Variants in SNRPA observed in about 807,000 individuals in gnomAD.
SNRPA encodes small nuclear ribonucleoprotein polypeptide A.
A neutral mutation model predicts 24.5 loss-of-function variants in SNRPA; 10 were observed. That is an observed-to-expected ratio of 0.41 (90% CI 0.25 to 0.69). The LOEUF (loss-of-function observed/expected upper bound fraction) is 0.69, where lower values mean the gene tolerates loss of function less well. Among genes scored for constraint, SNRPA ranks in the 30% least tolerant of loss-of-function variants. The pLI, the probability that SNRPA is intolerant of heterozygous loss-of-function variation, is 0.33. For missense variants in SNRPA, 283 were observed against 394.7 expected, an observed-to-expected ratio of 0.72 and a Z score of 2.40; for synonymous variants, 165 against 148.4, an observed-to-expected ratio of 1.11 and a Z score of -0.81.
intron 1 of SNRPA, 141 bp downstream of exon 1, chr19:40,751,622 C>T: frequency 1.4e-6 from 1 of 692,348 alleles, no homozygotes; most frequent in Admixed American, 2.1e-5. Flanking sequence ...AAACTACTTC[C>T]TGTCTTCAAC....
At chr19:40,751,968 A>C (rs1188652974) in intron 1 of SNRPA, among the ~76,000 whole-genome samples, 1 of 152,204 alleles carries the variant, frequency 6.6e-6, no homozygotes, top group Non-Finnish European at 1.5e-5. Flanking sequence ...GTGCTTTCAT[A>C]TAAATCTTGA....
intron 1 of SNRPA, among the ~76,000 whole-genome samples, chr19:40,755,108 G>A (rs1258934886): frequency 6.6e-6 from 1 of 151,204 alleles, no homozygotes; most frequent in Admixed American, 6.6e-5. Context: ...ATGGAGTTTC[G>A]ATTTGTCACC....
At chr19:40,761,425 GTTTCTTTTCTCT>G (rs1406945186) in intron 3 of SNRPA, among the ~76,000 whole-genome samples, 1 of 127,914 alleles carries the variant, frequency 7.8e-6, no homozygotes, top group Admixed American at 7.8e-5. Flanking sequence ...ACAAAATATA[GTTTCTTTTCTCT>G]TTTCTTTTCT....
At chr19:40,755,326 G>C (rs2082904628) in intron 1 of SNRPA, among the ~76,000 whole-genome samples, 1 of 142,330 alleles carries the variant, frequency 7.0e-6, no homozygotes, top group Non-Finnish European at 1.5e-5. Context: ...GGCCAGGCTG[G>C]TCTTGAACTC....
rs144997188 is a variant in SNRPA, at chr19:40,762,513, G to C, written c.427-388G>C. Among the ~76,000 whole-genome samples the C allele has an allele frequency of 4.5e-3, 681 of 149,806 alleles. 2 individuals carry two copies. The highest frequency in any genetic ancestry group is 0.015 in the African/African-American group (598 of 40,726). On this transcript the variant is annotated intron_variant, in intron 3 of 5. Transcript: ENST00000243563. ...ATTATAGGCGTGAGCCATCGTGCCC[G>C]GCCTACCACACATTTCTTTCTGCAC...
At chr19:40,754,099 C>CTT (rs1568484014) in intron 1 of SNRPA, among the ~76,000 whole-genome samples, 2 of 95,690 alleles carry the variant, frequency 2.1e-5, no homozygotes, top group African/African-American at 3.2e-5. Context: ...CAGCGCCCGG[C>CTT]GTTTTTTTTT....
At chr19:40,763,324 C>T (rs939270300) in intron 4 of SNRPA, 7 of 593,406 alleles carry the variant, frequency 1.2e-5, no homozygotes, top group Non-Finnish European at 2.1e-5. Context: ...AGCTATTGAG[C>T]GCCTCCTTAC....
At chr19:40,763,524 T>C in intron 4 of SNRPA, 63 bp from the exon 5 acceptor site, 1 of 1,229,080 alleles carries the variant, frequency 8.1e-7, no homozygotes, top group South Asian at 1.2e-5. Flanking sequence ...GAAGTGGCAG[T>C]ACTATGGGTC....
intron 4 of SNRPA, 70 bp from the exon 5 acceptor site, chr19:40,763,517 G>A: frequency 2.6e-6 from 3 of 1,141,054 alleles, no homozygotes; most frequent in Non-Finnish European, 4.0e-6. Context: ...GATGGAGGAA[G>A]TGGCAGTACT....
rs773592729 is a variant in SNRPA, at chr19:40,762,924, G to A, written c.450G>A (p.Ala150=). 141 of 1,613,524 alleles carry A rather than the reference G, an allele frequency of 8.7e-5. No individual in the cohort carries two copies. Among genetic ancestry groups the A allele is most frequent in the South Asian group, 2.2e-4 (20 of 91,058 alleles). ...PVPGMPPMTQ[A]PRIMHHMPGQ... is the part of the protein sequence containing the mutation. ...AGGGCATGCCGCCGATGACTCAGGCGCCCCGCATTATGCACCACATGCCGG... is the reference window on the plus strand; with the variant it reads ...AGGGCATGCCGCCGATGACTCAGGCACCCCGCATTATGCACCACATGCCGG... Residue 150 remains alanine, a synonymous_variant, in exon 4 of 6, where the codon GCG becomes GCA. Transcript: ENST00000243563.
At chr19:40,758,943 C>T (rs1338682164) in intron 2 of SNRPA, 2 of 152,022 alleles carry the variant, frequency 1.3e-5, no homozygotes, top group Non-Finnish European at 2.9e-5. Context: ...CGCAGTGGCT[C>T]ATGCCTGTAA....
In SNRPA at chr19:40,751,310, A is replaced by G. The variant is rs536919973; in HGVS notation, c.-99A>G. ...CTTACCTGACTTCCTTTTCGGAGGAAGATCCTTGAGCAGCCGACGTTGGGA... is the reference window on the plus strand; with the variant it reads ...CTTACCTGACTTCCTTTTCGGAGGAGGATCCTTGAGCAGCCGACGTTGGGA... On this transcript the variant is annotated 5_prime_UTR_variant, in exon 1 of 6. Transcript: ENST00000243563. The G allele has an allele frequency of 4.5e-6, 4 of 888,860 alleles. No individual in the cohort carries two copies. The highest frequency in any genetic ancestry group is 4.0e-5 in the South Asian group (3 of 75,264). 55.1% of individuals were successfully genotyped at this position (888,860 alleles called of 1,614,324 possible).
intron 1 of SNRPA, among the ~76,000 whole-genome samples, chr19:40,752,579 CAAAAAAAAAAAAAA>C (rs59705765): frequency 1.6e-5 from 1 of 61,280 alleles, no homozygotes; most frequent in Non-Finnish European, 2.9e-5. Flanking sequence ...CTTTTCTCTA[CAAAAAAAAAAAAAA>C]AAAAAAAAAA....
chr19:40,764,995 C>T lies in SNRPA; in HGVS notation c.690-13C>T, dbSNP rs756744508. On this transcript the variant is annotated splice_polypyrimidine_tract_variant and intron_variant, in intron 5 of 5. Transcript: ENST00000243563. ...GAAATGCTGAGTCCCTGAGGTCTGT[C>T]GTTCTCTTTCAGGTTCCCTGGCTTC... is the stretch of plus-strand genomic sequence containing the variant. The T allele has an allele frequency of 4.5e-6, 7 of 1,548,068 alleles. No homozygotes were observed. The South Asian group carries it at 4.9e-5, about 11-fold the overall frequency.
intron 1 of SNRPA, among the ~76,000 whole-genome samples, chr19:40,751,994 A>G (rs2082873343): frequency 6.6e-6 from 1 of 152,130 alleles, no homozygotes; most frequent in South Asian, 2.1e-4. Flanking sequence ...TTTAATTCTC[A>G]CAACAATCTT....
At chr19:40,757,250 A>G (rs896508343) in intron 1 of SNRPA, 82 bp from the exon 2 acceptor site, 1 of 1,379,224 alleles carries the variant, frequency 7.3e-7, no homozygotes, top group African/African-American at 1.4e-5. Context: ...TGGGTACCCC[A>G]TCAATTGGCT....
intron 3 of SNRPA, among the ~76,000 whole-genome samples, chr19:40,762,259 C>T (rs1048861435): frequency 1.3e-5 from 2 of 151,864 alleles, no homozygotes; most frequent in African/African-American, 4.8e-5. Flanking sequence ...CTCTGTTGCC[C>T]AGGCTGGAGT....
At chr19:40,755,074 T>A (rs2082902629) in intron 1 of SNRPA, among the ~76,000 whole-genome samples, 1 of 151,854 alleles carries the variant, frequency 6.6e-6, no homozygotes, top group Non-Finnish European at 1.5e-5. Context: ...TGGCTTCTGC[T>A]TCAGCTTAGC....
rs200242370 is a variant in SNRPA at position 40,761,458 on chromosome 19, C to CTTTTTTTTTTTTTTTTTTTT, written c.427-1436_427-1417dup. Among the ~76,000 whole-genome samples the CTTTTTTTTTTTTTTTTTTTT allele has an allele frequency of 1.3e-4, 11 of 85,860 alleles. 1 individual carries two copies. Among genetic ancestry groups the CTTTTTTTTTTTTTTTTTTTT allele is most frequent in the Admixed American group, 1.8e-4 (1 of 5,618 alleles). 56.3% of individuals were successfully genotyped at this position (85,860 alleles called of 152,430 possible). A position where few individuals can be genotyped will look rare whatever the true frequency, so the allele number is the denominator to read the frequency against. On this transcript the variant is annotated intron_variant, in intron 3 of 5. Transcript: ENST00000243563. ...TCTCTTTTCTTTTCTTTTTCTTTTT[C>CTTTTTTTTTTTTTTTTTTTT]TTTTTTTTTTTTTTTTTTTTTTTTT... is the stretch of plus-strand genomic sequence containing the variant.
Sources: allele counts gnomAD v4.1 joint callset (sites outside exome capture counted in the v4.1 genomes callset), GRCh38; gene constraint gnomAD v4.1.1; transcripts MANE v1.5; gene names NCBI Gene and HGNC (gene_info 2026-07-23, HGNC 2026-07-21).